The following LONP1 variants were observed in gnomAD, a reference collection of about 807,000 sequenced individuals.
LONP1 encodes the protein lon protease homolog, mitochondrial.
LONP1 carries 31 observed loss-of-function variants against 98.5 expected under a neutral mutation model. The ratio of observed to expected loss-of-function variants is 0.31; its 90% CI spans 0.24 to 0.42. The LOEUF (loss-of-function observed/expected upper bound fraction) is 0.42, where lower values mean the gene tolerates loss of function less well. Ranked by LOEUF, LONP1 falls within the 20% of genes least tolerant of loss-of-function variation. LONP1 has a pLI of 1.00. For missense variants in LONP1, 1,336 were observed against 1,350.6 expected, an observed-to-expected ratio of 0.99 and a Z score of 0.17; for synonymous variants, 781 against 594.7, an observed-to-expected ratio of 1.31 and a Z score of -4.56.
At chr19:5,712,372 G>A in intron 3 of LONP1, 1 of 216,580 alleles carries the variant, frequency 4.6e-6, no homozygotes. Flanking sequence ...CCTGGACTCA[G>A]CTCATAGCAG....
chr19:5,693,495 G>A, intron 16 of LONP1, 33 bp from the exon 17 acceptor site: 2 of 1,611,786 alleles, frequency 1.2e-6, no homozygotes, highest in Non-Finnish European at 1.7e-6. Context: ...TGGGTGAGCA[G>A]GTGGCCAGCA....
In LONP1 at chr19:5,694,428, G is replaced by A; in HGVS notation, c.2279C>T (p.Thr760Ile). 6.2e-7 allele frequency: 1 copy of A among 1,613,472 alleles called. No homozygotes were observed. The highest frequency in any genetic ancestry group is 8.5e-7 in the Non-Finnish European group (1 of 1,180,006). ...CAGCCCCATGACCACGCCGGGCGGT[G>A]TCACGTCATACATGCGCTCCACGGT... ...VFTVERMYDV[T>I]PPGVVMGLAW... is the part of the protein sequence containing the mutation. Residue 760 changes from threonine to isoleucine, a missense_variant, in exon 15 of 18, where the codon ACA becomes ATA. Coordinates refer to ENST00000360614, the MANE Select transcript of LONP1 (RefSeq NM_004793.4).
At chr19:5,694,365 C>T in intron 15 of LONP1, 22 bp downstream of exon 15, 1 of 1,608,886 alleles carries the variant, frequency 6.2e-7, no homozygotes, top group Non-Finnish European at 8.5e-7. Flanking sequence ...GCTTTGGGGT[C>T]TTCTCCCGCC....
intron 1 of LONP1, 85 bp from the exon 2 acceptor site, chr19:5,714,356 G>T: frequency 1.1e-6 from 1 of 928,176 alleles, no homozygotes; most frequent in Non-Finnish European, 1.7e-6. Context: ...TGGCTGGAAT[G>T]TAATGGCGTG....
At position 5,696,202 on chromosome 19, in the gene LONP1, G is replaced by A. The variant is rs754349988; in HGVS notation, c.1897-32C>T. 3 of 1,612,716 alleles carry A rather than the reference G, an allele frequency of 1.9e-6. No homozygotes were observed. In the Admixed American group the frequency reaches 5.0e-5, roughly 27 times the overall value. ...GCGGCGGCAAGGTGCTGGGGGACTG[G>A]CCGCTTACCCTCCCCAGCAAGCCCA... On this transcript the variant is annotated intron_variant, in intron 12 of 17. Transcript: ENST00000360614.
At chr19:5,700,448 A>T (rs963933931) in intron 9 of LONP1, among the ~76,000 whole-genome samples, 2 of 151,386 alleles carry the variant, frequency 1.3e-5, no homozygotes, top group African/African-American at 4.9e-5. Flanking sequence ...TGGGGGTCTC[A>T]CTCTGTCACC....
intron 14 of LONP1, 90 bp downstream of exon 14, chr19:5,694,669 GAA>G (rs2054893551): frequency 1.9e-6 from 3 of 1,565,030 alleles, no homozygotes; most frequent in Non-Finnish European, 2.6e-6. Flanking sequence ...ATGGGCGCAG[GAA>G]AGTGGGATGA....
rs1290013393 is a variant in LONP1 at position 5,693,463 on chromosome 19, CTGTGGAGGCA to C, written c.2539-11_2539-2del. 1.9e-6 allele frequency: 3 copies of C among 1,611,068 alleles called. No individual in the cohort carries two copies. Among genetic ancestry groups the C allele is most frequent in the Admixed American group, 3.3e-5 (2 of 59,954 alleles). On this transcript the variant is annotated splice_acceptor_variant and splice_polypyrimidine_tract_variant and intron_variant, in intron 16 of 17. Coordinates refer to ENST00000360614, the MANE Select transcript of LONP1 (RefSeq NM_004793.4). LOFTEE classifies it high-confidence loss of function. ...TTGGGCCGTCCTTGGGGGTGGCGCC[CTGTGGAGGCA>C]TGTGGGGATAGTGGGTGAGCAGGTG...
chr19:5,698,268 T>C (rs1401559639), intron 10 of LONP1, among the ~76,000 whole-genome samples: 1 of 152,044 alleles, frequency 6.6e-6, no homozygotes, highest in Non-Finnish European at 1.5e-5. Flanking sequence ...GAGCTGGGGA[T>C]GTTTTTAGAG....
At position 5,691,848 on chromosome 19, in the gene LONP1, T is replaced by TTAATCATTAAATA. The variant is rs1312117321; in HGVS notation, c.*171_*183dup. 28 of 814,204 alleles carry TTAATCATTAAATA rather than the reference T, an allele frequency of 3.4e-5. No individual in the cohort carries two copies. Among genetic ancestry groups the TTAATCATTAAATA allele is most frequent in the Non-Finnish European group, 5.1e-5 (27 of 524,982 alleles). The allele number at this position is 814,204 out of a possible 1,614,324, so 50.4% of individuals were successfully genotyped here. On this transcript the variant is annotated 3_prime_UTR_variant, in exon 18 of 18. Transcript: ENST00000360614. Reference sequence around the variant, plus strand: ...GGAAGCCGCCGTACTGCAAATGACTTTAATCATTAAATAGCTTCTATGCCA... The same window carrying TTAATCATTAAATA: ...GGAAGCCGCCGTACTGCAAATGACTTTAATCATTAAATATAATCATTAAATAGCTTCTATGCCA...
rs752742726 is a variant in LONP1 at position 5,692,121 on chromosome 19, G to C, written c.2791C>G (p.Leu931Val). The change falls in exon 18 of 18, where the codon CTG (leucine) becomes GTG (valine). Residue 931 changes from leucine to valine, a missense_variant. Transcript: ENST00000360614. ...YDLAAFITEG[L>V]EVHFVEHYRE... is the part of the protein sequence containing the mutation. ...TAGTGTTCCACGAAGTGCACCTCCA[G>C]GCCCTCGGTGATGAAGGCTGCCAGG... is the stretch of plus-strand genomic sequence containing the variant. The C allele has an allele frequency of 6.2e-7, 1 of 1,607,614 alleles. No homozygotes were observed. Among genetic ancestry groups the C allele is most frequent in the African/African-American group, 1.3e-5 (1 of 74,722 alleles).
upstream of LONP1, chr19:5,720,367 T>A: frequency 1.5e-6 from 1 of 646,550 alleles, no homozygotes; most frequent in Non-Finnish European, 2.5e-6. Context: ...TGGAAGGCTG[T>A]GAGCAGGCGC....
chr19:5,695,180 G>A (rs756503780), intron 13 of LONP1, among the ~76,000 whole-genome samples: 3 of 152,066 alleles, frequency 2.0e-5, no homozygotes, highest in East Asian at 3.9e-4. Flanking sequence ...GTTGCCCCAT[G>A]GGCTGGCCCC....
chr19:5,705,735 C>G (rs774379374), intron 8 of LONP1, 37 bp downstream of exon 8: 1 of 1,592,354 alleles, frequency 6.3e-7, no homozygotes, highest in East Asian at 2.2e-5. Flanking sequence ...GAGGAGGGGT[C>G]ACCTGAGGGC....
At chr19:5,702,510 GCC>G (rs1048309596) in intron 8 of LONP1, among the ~76,000 whole-genome samples, 11 of 152,050 alleles carry the variant, frequency 7.2e-5, no homozygotes, top group Non-Finnish European at 1.5e-4. Context: ...CCGGCCAGCC[GCC>G]CCATCTGGGA....
Position 5,708,324 on chromosome 19 carries a change from G to A in LONP1, c.932+18C>T. 1 of 1,585,962 alleles carries A rather than the reference G, an allele frequency of 6.3e-7. No individual in the cohort carries two copies. ...CAGAGATGCCCCCGCCTGGCCAGCT[G>A]CCCGCACAGAGGCCCACCTGTAGAG... On this transcript the variant is annotated intron_variant, in intron 5 of 17. Transcript: ENST00000360614.
chr19:5,693,882 C>T (rs1268631745), intron 15 of LONP1, 113 bp from the exon 16 acceptor site: 4 of 880,188 alleles, frequency 4.5e-6, no homozygotes, highest in African/African-American at 1.7e-5. Context: ...ATCTTGGTGC[C>T]CCTGGGCAGG....
chr19:5,714,884 C>G (rs1277114702), intron 1 of LONP1: 1 of 152,158 alleles, frequency 6.6e-6, no homozygotes, highest in Non-Finnish European at 1.5e-5. Flanking sequence ...TCCCAAAGTG[C>G]TGGGATTATA....
At chr19:5,710,732 A>G (rs928537010) in intron 4 of LONP1, among the ~76,000 whole-genome samples, 6 of 152,108 alleles carry the variant, frequency 3.9e-5, no homozygotes, top group Non-Finnish European at 7.4e-5. Context: ...CAAGTGCTCA[A>G]TACTCACAGG....
Sources: allele counts gnomAD v4.1 joint callset (sites outside exome capture counted in the v4.1 genomes callset), GRCh38; gene constraint gnomAD v4.1.1; transcripts MANE v1.5; gene names NCBI Gene and HGNC (gene_info 2026-07-23, HGNC 2026-07-21).